FETUB: variants seen among roughly 807,000 people sequenced by gnomAD.
FETUB encodes fetuin-B.
Under a neutral mutation model 30.9 loss-of-function variants are expected in FETUB, and 28 were observed. The observed-to-expected ratio is 0.90, with a 90% confidence interval of 0.67 to 1.24. FETUB has a LOEUF of 1.24. Among genes scored for constraint, FETUB ranks in the 50% most tolerant of loss-of-function variants. FETUB has a pLI of 0.00. For missense variants in FETUB, 469 were observed against 455.3 expected, an observed-to-expected ratio of 1.03 and a Z score of -0.27; for synonymous variants, 186 against 175.9, an observed-to-expected ratio of 1.06 and a Z score of -0.45.
intron 2 of FETUB, 110 bp downstream of exon 2, chr3:186,641,250 T>C (rs1717033772): frequency 2.9e-6 from 2 of 683,654 alleles, no homozygotes; most frequent in Non-Finnish European, 5.3e-6. Flanking sequence ...AATGGCCCAC[T>C]TTATAATCTC....
chr3:186,641,044 T>G lies in FETUB; in HGVS notation c.240T>G (p.Ser80=). 6.2e-7 allele frequency: 1 copy of G among 1,613,104 alleles called. No individual in the cohort carries two copies. The highest frequency in any genetic ancestry group is 8.5e-7 in the Non-Finnish European group (1 of 1,179,116). Residue 80 remains serine, a synonymous_variant, in exon 2 of 7, where the codon TCT becomes TCG. Transcript: ENST00000265029. ...AQEYRRGGLG[S]LFYLTLDVLE... ...CCTTCCCACAGGGTGGCCTGGGATC[T>G]CTGTTCTATCTTACACTGGATGTGC...
intron 3 of FETUB, 109 bp from the exon 4 acceptor site, chr3:186,644,642 A>G (rs1385852186): frequency 4.0e-6 from 3 of 744,954 alleles, no homozygotes. Context: ...CTTCTATTCC[A>G]GGGGTATATT....
rs1384359051 is a variant in FETUB, at chr3:186,640,698, A to G, written c.225+13A>G. The G allele has an allele frequency of 5.6e-6, 9 of 1,605,934 alleles. No individual in the cohort carries two copies. The highest frequency in any genetic ancestry group is 7.7e-6 in the Non-Finnish European group (9 of 1,172,596). ...GGAATACAGACGGGCAAGTAGGGAC[A>G]GTTCCCACTCTGGGGCAGGGATGTG... is the stretch of plus-strand genomic sequence containing the variant. On this transcript the variant is annotated intron_variant, in intron 1 of 6. Transcript: ENST00000265029.
At chr3:186,637,627 C>G (rs979906129), upstream of FETUB, among the ~76,000 whole-genome samples, 2 of 152,234 alleles carry the variant, frequency 1.3e-5, no homozygotes, top group Non-Finnish European at 1.5e-5. Flanking sequence ...CCTTGTTTCT[C>G]CCAACCTGGT....
At chr3:186,649,185 G>C (rs1056213492) in intron 5 of FETUB, among the ~76,000 whole-genome samples, 7 of 152,184 alleles carry the variant, frequency 4.6e-5, no homozygotes, top group Admixed American at 2.0e-4. Flanking sequence ...TTGTGACTTG[G>C]TGATGAAGAG....
In FETUB at chr3:186,646,253, G is replaced by A. The variant is rs761248477; in HGVS notation, c.600G>A (p.Val200=). The change falls in exon 5 of 7, where the codon GTG becomes GTA. Residue 200 remains valine (V), a synonymous_variant. Coordinates refer to ENST00000265029, the MANE Select transcript of FETUB (RefSeq NM_014375.3). ...CAACTCTTGTCTCATAACAGTGGGTGGTCGGCCCTTCTTACTTTGTGGAAT... is the reference window on the plus strand; with the variant it reads ...CAACTCTTGTCTCATAACAGTGGGTAGTCGGCCCTTCTTACTTTGTGGAAT... ...FKVTRASSQW[V]VGPSYFVEYL... The A allele has an allele frequency of 6.2e-7, 1 of 1,610,988 alleles. No individual in the cohort carries two copies. The highest frequency in any genetic ancestry group is 8.5e-7 in the Non-Finnish European group (1 of 1,177,360).
At chr3:186,642,966 G>A (rs957560995) in intron 3 of FETUB, among the ~76,000 whole-genome samples, 13 of 152,082 alleles carry the variant, frequency 8.5e-5, no homozygotes, top group African/African-American at 2.7e-4. Context: ...TGTCTTGCTT[G>A]TGCCTCTCCC....
At chr3:186,649,773 GGAT>G (rs1717850591) in intron 5 of FETUB, among the ~76,000 whole-genome samples, 1 of 152,096 alleles carries the variant, frequency 6.6e-6, no homozygotes, top group African/African-American at 2.4e-5. Context: ...GCCCAGCTCA[GGAT>G]GATATTTCAT....
intron 4 of FETUB, 27 bp downstream of exon 4, chr3:186,644,947 TAC>T: frequency 4.4e-6 from 7 of 1,584,292 alleles, no homozygotes; most frequent in Non-Finnish European, 6.0e-6. Context: ...CCAAGCCAGT[TAC>T]ACAGTGTGTC....
intron 4 of FETUB, among the ~76,000 whole-genome samples, chr3:186,645,883 T>C (rs927969053): frequency 1.6e-4 from 25 of 151,924 alleles, no homozygotes; most frequent in East Asian, 1.9e-4. Flanking sequence ...TGCGCCACCA[T>C]GCCCAGCTAA....
intron 4 of FETUB, among the ~76,000 whole-genome samples, chr3:186,645,919 G>T (rs1475724916): frequency 1.3e-5 from 2 of 151,084 alleles, no homozygotes; most frequent in Non-Finnish European, 2.9e-5. Context: ...TAGAGATGGG[G>T]TTTCACTATG....
intron 5 of FETUB, among the ~76,000 whole-genome samples, chr3:186,650,678 A>G (rs956162754): frequency 5.3e-5 from 8 of 152,216 alleles, no homozygotes; most frequent in African/African-American, 1.9e-4. Context: ...AGGAAATCAA[A>G]TCACTGCAGG....
chr3:186,638,291 A>G (rs776286356), upstream of FETUB, among the ~76,000 whole-genome samples: 1 of 152,188 alleles, frequency 6.6e-6, no homozygotes, highest in Non-Finnish European at 1.5e-5. Flanking sequence ...AGTTGTTCCC[A>G]TATGTGATGG....
intron 5 of FETUB, among the ~76,000 whole-genome samples, chr3:186,650,503 A>G (rs182355757): frequency 1.3e-5 from 2 of 152,290 alleles, no homozygotes; most frequent in African/African-American, 4.8e-5. Flanking sequence ...GAGGAATACT[A>G]TGTAGCCATT....
upstream of FETUB, among the ~76,000 whole-genome samples, chr3:186,636,892 C>G (rs1716791459): frequency 2.0e-5 from 3 of 152,222 alleles, no homozygotes; most frequent in South Asian, 6.2e-4. Flanking sequence ...TGAATGTTAC[C>G]CCCTCTAGGA....
chr3:186,640,697 C>A lies in FETUB; in HGVS notation c.225+12C>A. On this transcript the variant is annotated intron_variant, in intron 1 of 6. Transcript: ENST00000265029. Reference sequence around the variant, plus strand: ...AGGAATACAGACGGGCAAGTAGGGACAGTTCCCACTCTGGGGCAGGGATGT... The same window carrying A: ...AGGAATACAGACGGGCAAGTAGGGAAAGTTCCCACTCTGGGGCAGGGATGT... The A allele has an allele frequency of 1.2e-6, 2 of 1,604,996 alleles. No individual in the cohort carries two copies. The highest frequency in any genetic ancestry group is 1.1e-5 in the South Asian group (1 of 90,898).
chr3:186,640,727 A>C, intron 1 of FETUB, 42 bp downstream of exon 1: 2 of 1,534,474 alleles, frequency 1.3e-6, no homozygotes, highest in Non-Finnish European at 1.8e-6. Flanking sequence ...GGATGTGGGC[A>C]AGCTGGAGAG....
At position 186,640,722 on chromosome 3, in the gene FETUB, T is replaced by C. The variant is rs941031286; in HGVS notation, c.225+37T>C. On this transcript the variant is annotated intron_variant, in intron 1 of 6. Transcript: ENST00000265029. The stretch of plus-strand genomic sequence containing the variant: ...CAGTTCCCACTCTGGGGCAGGGATG[T>C]GGGCAAGCTGGAGAGACTGGCCAGG... The C allele has an allele frequency of 1.5e-5, 24 of 1,553,772 alleles. 1 individual carries two copies. The highest frequency in any genetic ancestry group is 2.0e-5 in the Non-Finnish European group (23 of 1,125,348).
rs142401278 is a variant in FETUB at position 186,652,353 on chromosome 3, C to G, written c.871C>G (p.Pro291Ala). ...AGAATCCCAGCAGAAAAACACCCCCCCAACAGACTCCCCCTCCAAAGCTGG... is the reference window on the plus strand; with the variant it reads ...AGAATCCCAGCAGAAAAACACCCCCGCAACAGACTCCCCCTCCAAAGCTGG... ...VEESQQKNTP[P>A]TDSPSKAGPR... The change falls in exon 7 of 7, where the codon CCA (proline) becomes GCA (alanine). Residue 291 changes from proline (P) to alanine (A), a missense_variant. Pro to Ala is a conservative substitution (Grantham distance 27). Coordinates refer to ENST00000265029, the MANE Select transcript of FETUB (RefSeq NM_014375.3). 835 of 1,607,356 alleles carry G rather than the reference C, an allele frequency of 5.2e-4. 1 individual carries two copies. The highest frequency in any genetic ancestry group is 6.2e-4 in the Non-Finnish European group (734 of 1,174,514).
Sources: gnomAD v4.1 joint callset for allele counts (sites outside exome capture counted in the v4.1 genomes callset) on GRCh38, gnomAD v4.1.1 for gene constraint, MANE v1.5 for transcripts, NCBI Gene and HGNC (gene_info 2026-07-23, HGNC 2026-07-21) for gene names.